The following C3orf33 variants were observed in gnomAD, a reference collection of about 807,000 sequenced individuals.
The protein encoded by C3orf33 is mitochondrial inner membrane subdomain organizer 1.
C3orf33 carries 23 observed loss-of-function variants against 28.7 expected under a neutral mutation model. The observed-to-expected ratio is 0.80, with a 90% CI of 0.58 to 1.13. The LOEUF is 1.13. C3orf33 is among the 50% of genes most tolerant of loss of function. The pLI is 0.00. For synonymous variants in C3orf33, 119 were observed against 120.5 expected (o/e 0.99, Z 0.08); for missense variants, 327 against 353.4 (o/e 0.93, Z 0.60).
chr3:155,780,725 C>A (rs975100575), intron 2 of C3orf33, among the ~76,000 whole-genome samples: 5 of 152,064 alleles, frequency 3.3e-5, no homozygotes, highest in Admixed American at 6.6e-5. Flanking sequence ...GTCACTCTCC[C>A]TGCATCCTTT....
intron 3 of C3orf33, among the ~76,000 whole-genome samples, chr3:155,771,056 T>TG (rs1271435779): frequency 6.6e-5 from 9 of 136,188 alleles, no homozygotes; most frequent in African/African-American, 1.3e-4. Context: ...TGTGTGTGTG[T>TG]TGAGACATAG....
At chr3:155,772,920 T>C (rs1750635782) in intron 3 of C3orf33, among the ~76,000 whole-genome samples, 1 of 152,050 alleles carries the variant, frequency 6.6e-6, no homozygotes. Flanking sequence ...TTGATGGTGG[T>C]GGGAACCACA....
At position 155,806,170 on chromosome 3, in the gene C3orf33, T is replaced by C; in HGVS notation, c.83A>G (p.Gln28Arg). Reference protein sequence around the residue: ...MEPNVVARISQWADDHLRLVR... With the variant: ...MEPNVVARISRWADDHLRLVR... The stretch of plus-strand genomic sequence containing the variant: ...TAGGCGCAGGTGGTCGTCTGCCCAC[T>C]GCGAGATCCGAGCCACGACGTTGGG... Residue 28 changes from glutamine (Q) to arginine (R), a missense_variant, in exon 1 of 5, where the codon CAG becomes CGG. Gln to Arg is a conservative substitution (Grantham distance 43, BLOSUM62 1). Coordinates refer to ENST00000340171, the MANE Select transcript of C3orf33 (RefSeq NM_001308229.2). 6.7e-7 allele frequency: 1 copy of C among 1,494,218 alleles called. No individual in the cohort carries two copies. Among genetic ancestry groups the C allele is most frequent in the South Asian group, 1.2e-5 (1 of 80,076 alleles). The allele number at this position is 1,494,218 out of a possible 1,614,324, so 92.6% of individuals were successfully genotyped here.
intron 2 of C3orf33, among the ~76,000 whole-genome samples, chr3:155,778,935 G>T (rs1441949875): frequency 6.6e-6 from 1 of 152,136 alleles, no homozygotes; most frequent in African/African-American, 2.4e-5. Flanking sequence ...ATGACTGCTG[G>T]AAGTCAGGAT....
At chr3:155,785,838 A>G (rs1457585059) in intron 2 of C3orf33, among the ~76,000 whole-genome samples, 3 of 152,122 alleles carry the variant, frequency 2.0e-5, no homozygotes, top group African/African-American at 7.2e-5. Context: ...CAGGAGTTTG[A>G]GACAATTCTG....
At chr3:155,786,277 T>A in intron 2 of C3orf33, among the ~76,000 whole-genome samples, 1 of 149,626 alleles carries the variant, frequency 6.7e-6, no homozygotes, top group African/African-American at 2.5e-5. Context: ...AATATGAGAG[T>A]GCAGACAGGA....
intron 2 of C3orf33, among the ~76,000 whole-genome samples, chr3:155,789,457 A>G (rs971093943): frequency 6.6e-6 from 1 of 152,216 alleles, no homozygotes; most frequent in Non-Finnish European, 1.5e-5. Context: ...AACATTGCTA[A>G]AAGAAATTAG....
At chr3:155,799,627 T>C (rs1751581835) in intron 2 of C3orf33, among the ~76,000 whole-genome samples, 1 of 152,112 alleles carries the variant, frequency 6.6e-6, no homozygotes, top group Non-Finnish European at 1.5e-5. Flanking sequence ...AGACCAAGGC[T>C]GCAGTGAGTC....
intron 3 of C3orf33, among the ~76,000 whole-genome samples, chr3:155,770,824 G>T (rs756539312): frequency 6.6e-6 from 1 of 151,700 alleles, no homozygotes; most frequent in African/African-American, 2.4e-5. Context: ...CCACACTCCC[G>T]CCACCACACC....
intron 3 of C3orf33, among the ~76,000 whole-genome samples, chr3:155,768,649 T>C (rs1300838625): frequency 2.0e-5 from 3 of 152,372 alleles, no homozygotes; most frequent in Admixed American, 6.5e-5. Flanking sequence ...ATTAAGCTCT[T>C]ACATAATGGT....
chr3:155,789,026 C>G (rs2109271147), intron 2 of C3orf33, among the ~76,000 whole-genome samples: 1 of 152,228 alleles, frequency 6.6e-6, no homozygotes, highest in East Asian at 1.9e-4. Context: ...ACATTAACAA[C>G]AAACAATCTG....
At chr3:155,783,157 A>ATTT (rs544861385) in intron 2 of C3orf33, among the ~76,000 whole-genome samples, 1,621 of 142,450 alleles carry the variant, frequency 0.011, 43 homozygotes, top group African/African-American at 0.04. Context: ...CCCATTCTAC[A>ATTT]TTTTTTTTTT....
At chr3:155,790,199 A>T in intron 2 of C3orf33, among the ~76,000 whole-genome samples, 2 of 148,578 alleles carry the variant, frequency 1.3e-5, no homozygotes, top group Non-Finnish European at 3.0e-5. Context: ...ATTGGTGCTG[A>T]GAAAACGGAA....
chr3:155,779,352 T>G (rs956755174), intron 2 of C3orf33, among the ~76,000 whole-genome samples: 1 of 152,104 alleles, frequency 6.6e-6, no homozygotes, highest in African/African-American at 2.4e-5. Flanking sequence ...TGGAGTGCAG[T>G]GGCATGATCT....
At chr3:155,780,580 A>G (rs1279159238) in intron 2 of C3orf33, among the ~76,000 whole-genome samples, 1 of 152,252 alleles carries the variant, frequency 6.6e-6, no homozygotes, top group African/African-American at 2.4e-5. Flanking sequence ...GGAATATAAG[A>G]ACTTGATAAA....
intron 2 of C3orf33, among the ~76,000 whole-genome samples, chr3:155,789,589 CT>C (rs1050339036): frequency 9.4e-5 from 14 of 149,084 alleles, no homozygotes; most frequent in East Asian, 5.9e-4. Flanking sequence ...ATCCCAATGA[CT>C]TTTTTTTTTC....
intron 2 of C3orf33, among the ~76,000 whole-genome samples, chr3:155,780,802 G>T (rs900185466): frequency 4.6e-5 from 7 of 152,134 alleles, no homozygotes; most frequent in Admixed American, 1.3e-4. Context: ...TGGGAAAAAC[G>T]CTTTCCTGAC....
chr3:155,797,159 T>C (rs576025029), intron 2 of C3orf33, among the ~76,000 whole-genome samples: 1 of 152,284 alleles, frequency 6.6e-6, no homozygotes, highest in South Asian at 2.1e-4. Context: ...CACTCTAGCC[T>C]GGGTGACAGA....
chr3:155,798,754 GA>G (rs545604199), intron 2 of C3orf33, among the ~76,000 whole-genome samples: 1 of 151,954 alleles, frequency 6.6e-6, no homozygotes, highest in African/African-American at 2.4e-5. Flanking sequence ...GGCAACCAAA[GA>G]AAAAATAGAC....
Sources: allele counts gnomAD v4.1 joint callset (sites outside exome capture counted in the v4.1 genomes callset), GRCh38; gene constraint gnomAD v4.1.1; transcripts MANE v1.5; gene names NCBI Gene and HGNC (gene_info 2026-07-23, HGNC 2026-07-21).